Variants in RNF38 observed in about 807,000 individuals in gnomAD.
The protein encoded by RNF38 is E3 ubiquitin-protein ligase RNF38.
Under a neutral mutation model 67.2 loss-of-function variants are expected in RNF38, and 15 were observed. The ratio of observed to expected loss-of-function variants is 0.22; its 90% CI spans 0.15 to 0.34. RNF38 has a LOEUF of 0.34. Among genes scored for constraint, RNF38 ranks in the 10% least tolerant of loss-of-function variants. RNF38 has a pLI of 1.00. For synonymous variants in RNF38, 220 were observed against 218.8 expected (o/e 1.01, Z -0.05); for missense variants, 524 against 639.9 (o/e 0.82, Z 1.95).
intron 1 of RNF38, among the ~76,000 whole-genome samples, chr9:36,471,812 C>T (rs1840005430): frequency 6.6e-6 from 1 of 152,162 alleles, no homozygotes; most frequent in Non-Finnish European, 1.5e-5. Context: ...CTGGGATGGT[C>T]TCAAACATCT....
At chr9:36,379,426 C>A (rs1180330227) in intron 2 of RNF38, among the ~76,000 whole-genome samples, 2 of 151,972 alleles carry the variant, frequency 1.3e-5, no homozygotes, top group African/African-American at 4.8e-5. Flanking sequence ...ATAGCAGAAA[C>A]AGATGCTAAA....
At chr9:36,431,792 C>T (rs1215167659) in intron 1 of RNF38, among the ~76,000 whole-genome samples, 1 of 152,170 alleles carries the variant, frequency 6.6e-6, no homozygotes, top group Non-Finnish European at 1.5e-5. Flanking sequence ...TGGAGGGATG[C>T]TGGGTTGAAA....
At chr9:36,483,612 G>A (rs1268833054) in intron 1 of RNF38, among the ~76,000 whole-genome samples, 1 of 152,142 alleles carries the variant, frequency 6.6e-6, no homozygotes, top group Admixed American at 6.5e-5. Flanking sequence ...CCATCTTGAG[G>A]GATAATCAGT....
intron 1 of RNF38, among the ~76,000 whole-genome samples, chr9:36,437,316 T>C (rs2134284137): frequency 6.6e-6 from 1 of 152,218 alleles, no homozygotes; most frequent in East Asian, 1.9e-4. Context: ...TTTATGAAGA[T>C]GATGCAAGTG....
chr9:36,487,363 C>T, exon 1 of RNF38: 1 of 984,362 alleles, frequency 1.0e-6, no homozygotes, highest in Non-Finnish European at 1.2e-6. Context: ...CCCGGAGAGG[C>T]CCGTGGCCCG....
intron 1 of RNF38, among the ~76,000 whole-genome samples, chr9:36,469,699 G>A (rs563698777): frequency 3.9e-5 from 6 of 152,094 alleles, no homozygotes; most frequent in Non-Finnish European, 8.8e-5. Flanking sequence ...TTCAAAGCCT[G>A]GTGCGGTGGC....
At chr9:36,450,344 A>C (rs1376613972) in intron 1 of RNF38, among the ~76,000 whole-genome samples, 83 of 152,338 alleles carry the variant, frequency 5.4e-4, no homozygotes, top group Non-Finnish European at 1.0e-4. Flanking sequence ...GCAAGAGAGC[A>C]ACATGGCTGC....
rs58913703 is a variant in RNF38, at chr9:36,393,477, TTGTGTGTG to T, written c.13-2869_13-2862del. Reference sequence around the variant, plus strand: ...GGTAAAATAAAATCACACACACACATTGTGTGTGTGTGTGTGTGTGTGTGTGTGTGTGT... The same window carrying T: ...GGTAAAATAAAATCACACACACACATTGTGTGTGTGTGTGTGTGTGTGTGT... On this transcript the variant is annotated intron_variant, in intron 1 of 11. Transcript: ENST00000259605. Among the ~76,000 whole-genome samples the T allele has an allele frequency of 7.3e-3, 643 of 87,792 alleles. 6 individuals carry two copies. Among genetic ancestry groups the T allele is most frequent in the Middle Eastern group, 0.02 (4 of 202 alleles). The allele number at this position is 87,792 out of a possible 152,430, so 57.6% of individuals were successfully genotyped here. A position where few individuals can be genotyped will look rare whatever the true frequency, so the allele number is the denominator to read the frequency against.
chr9:36,475,060 T>G lies in RNF38; in HGVS notation n.241+12248A>C, dbSNP rs1288321384. Among the ~76,000 whole-genome samples, 7 of 125,474 alleles carry G rather than the reference T, an allele frequency of 5.6e-5. 3 individuals carry two copies. Among genetic ancestry groups the G allele is most frequent in the East Asian group, 7.5e-4 (2 of 2,660 alleles). 82.3% of individuals were successfully genotyped at this position (125,474 alleles called of 152,430 possible). A position where few individuals can be genotyped will look rare whatever the true frequency, so the allele number is the denominator to read the frequency against. ...ACTCAGGAGGCTAAGGCAGGAGAAT[T>G]GCTTGAACCCAGGAGGTGGAGGTTG... is the stretch of plus-strand genomic sequence containing the variant. On this transcript the variant is annotated intron_variant and non_coding_transcript_variant, in intron 1 of 3. Coordinates refer to the RNF38 transcript ENST00000488058.
At chr9:36,439,740 G>A (rs923119224) in intron 1 of RNF38, among the ~76,000 whole-genome samples, 2 of 143,986 alleles carry the variant, frequency 1.4e-5, no homozygotes, top group Middle Eastern at 3.6e-3. Context: ...GTAGTGAGCC[G>A]AGATTATATC....
chr9:36,455,042 C>T lies in RNF38; in HGVS notation n.242-30359G>A, dbSNP rs573150765. 2.6e-5 allele frequency among the ~76,000 whole-genome samples: 4 copies of T among 152,138 alleles called. No individual in the cohort carries two copies. The East Asian group carries it at 5.8e-4, about 22-fold the overall frequency. Reference sequence around the variant, plus strand: ...GTATAAAGAAACAAATTCTTAAGAACATAAACTGCAAATGCAATCTCTTTT... The same window carrying T: ...GTATAAAGAAACAAATTCTTAAGAATATAAACTGCAAATGCAATCTCTTTT... On this transcript the variant is annotated intron_variant and non_coding_transcript_variant, in intron 1 of 3. Transcript: ENST00000488058.
At chr9:36,456,259 G>C (rs1317836575) in intron 1 of RNF38, among the ~76,000 whole-genome samples, 1 of 152,262 alleles carries the variant, frequency 6.6e-6, no homozygotes, top group East Asian at 1.9e-4. Context: ...GTTTCACCAT[G>C]TTGGCCAGGC....
chr9:36,446,348 T>G (rs1343894227), intron 1 of RNF38, among the ~76,000 whole-genome samples: 1 of 152,146 alleles, frequency 6.6e-6, no homozygotes, highest in African/African-American at 2.4e-5. Flanking sequence ...TCTGTAAGAG[T>G]TGAGGACAAC....
intron 2 of RNF38, among the ~76,000 whole-genome samples, chr9:36,382,356 A>G (rs1836275586): frequency 6.6e-6 from 1 of 152,188 alleles, no homozygotes; most frequent in Admixed American, 6.5e-5. Context: ...GCTTAGCATT[A>G]AATCTGATAA....
chr9:36,352,671 G>T, intron 8 of RNF38, 71 bp downstream of exon 8: 2 of 1,114,028 alleles, frequency 1.8e-6, no homozygotes, highest in Non-Finnish European at 2.7e-6. Flanking sequence ...TAGACACAAA[G>T]ACATTCACAA....
intron 9 of RNF38, among the ~76,000 whole-genome samples, chr9:36,348,747 A>T (rs978055699): frequency 2.6e-5 from 4 of 152,272 alleles, no homozygotes; most frequent in African/African-American, 9.6e-5. Flanking sequence ...AGCCATCTTT[A>T]TAACAACGAA....
At chr9:36,401,995 ATTCTCT>A (rs797002959), upstream of RNF38, among the ~76,000 whole-genome samples, 11 of 152,336 alleles carry the variant, frequency 7.2e-5, no homozygotes, top group African/African-American at 2.6e-4. Flanking sequence ...GACCTTGGAC[ATTCTCT>A]TTATGAACAA....
chr9:36,403,818 A>C (rs1275555164), upstream of RNF38, among the ~76,000 whole-genome samples: 1 of 152,206 alleles, frequency 6.6e-6, no homozygotes, highest in Non-Finnish European at 1.5e-5. Flanking sequence ...CTATTCTTCA[A>C]TGCTAAATCT....
At chr9:36,360,836 A>T (rs1322808019) in intron 4 of RNF38, among the ~76,000 whole-genome samples, 2 of 152,098 alleles carry the variant, frequency 1.3e-5, no homozygotes, top group Non-Finnish European at 2.9e-5. Flanking sequence ...TTTGAGACAG[A>T]GTCTTGATAT....
Sources: gnomAD v4.1 joint callset for allele counts (sites outside exome capture counted in the v4.1 genomes callset) on GRCh38, gnomAD v4.1.1 for gene constraint, MANE v1.5 for transcripts, NCBI Gene and HGNC (gene_info 2026-07-23, HGNC 2026-07-21) for gene names.